The following CHST15 variants were observed in gnomAD, a reference collection of about 807,000 sequenced individuals.
The protein encoded by CHST15 is B cell RAG associated protein (GALNAC4S-6ST).
CHST15 carries 30 observed loss-of-function variants against 53.6 expected under a neutral mutation model. The ratio of observed to expected loss-of-function variants is 0.56; its 90% CI spans 0.42 to 0.76. The LOEUF is 0.76. Ranked by LOEUF, CHST15 falls within the 30% of genes least tolerant of loss-of-function variation. The pLI is 0.00. For synonymous variants in CHST15, 296 were observed against 289.8 expected (o/e 1.02, Z -0.22); for missense variants, 627 against 740.5 (o/e 0.85, Z 1.78).
At chr10:124,011,125 CAG>C (rs1256550576) in intron 7 of CHST15, 1 of 978,416 alleles carries the variant, frequency 1.0e-6, no homozygotes, top group African/African-American at 1.8e-5. Context: ...GGCCCTGAAA[CAG>C]AACAGCAAGG....
rs1267199265 is a variant in CHST15 at position 124,036,629 on chromosome 10, G to A, written c.1190+1886C>T. Among the ~76,000 whole-genome samples the A allele has an allele frequency of 1.3e-5, 2 of 151,818 alleles. No individual in the cohort carries two copies. Among genetic ancestry groups the A allele is most frequent in the South Asian group, 2.1e-4 (1 of 4,814 alleles). ...GGGGCAACAATGCAAAGTGAAAGAA[G>A]CAGGACATAAGACTGTCCTGTCACA... On this transcript the variant is annotated intron_variant, in intron 5 of 7. Coordinates refer to ENST00000435907, the MANE Select transcript of CHST15 (RefSeq NM_001270764.2). This position sits in a 1 kb window ranked among gnomAD's most constrained non-coding sequence, Gnocchi z 5.1.
intron 6 of CHST15, chr10:124,020,303 A>C: frequency 5.1e-6 from 5 of 985,440 alleles, no homozygotes; most frequent in South Asian, 9.4e-5. Context: ...CCAAGCTGGA[A>C]ACCTGACCCA....
intron 1 of CHST15, among the ~76,000 whole-genome samples, chr10:124,081,868 C>T (rs972388224): frequency 6.6e-6 from 1 of 152,172 alleles, no homozygotes; most frequent in African/African-American, 2.4e-5. Flanking sequence ...CTAATGTATC[C>T]TGGAGTCACA....
chr10:124,038,816 G>A, intron 4 of CHST15, 145 bp from the exon 5 acceptor site: 1 of 797,248 alleles, frequency 1.3e-6, no homozygotes, highest in Non-Finnish European at 2.0e-6. Flanking sequence ...GCGGGCATCT[G>A]GGACTCCAAA....
In CHST15 at chr10:124,045,924, T is replaced by C. The variant is rs1947984426; in HGVS notation, c.289A>G (p.Ile97Val). ...IIMTLVMASY[I>V]LSGAHQELLI... ...AGCTCTTGGTGGGCCCCAGAAAGGA[T>C]GTAAGAAGCCATTACCAAGGTCATT... The change falls in exon 2 of 8, where the codon ATC becomes GTC. Residue 97 changes from isoleucine to valine, a missense_variant. Physicochemically the swap from Ile to Val is conservative, Grantham distance 29 (BLOSUM62 3). Around this residue, in one of 3 missense-constraint regions of CHST15, gnomAD observed 187 missense variants for 251.8 expected, o/e 0.74. Coordinates refer to ENST00000435907, the MANE Select transcript of CHST15 (RefSeq NM_001270764.2). 6.2e-7 allele frequency: 1 copy of C among 1,613,836 alleles called. No individual in the cohort carries two copies. The highest frequency in any genetic ancestry group is 1.1e-5 in the South Asian group (1 of 91,052).
At chr10:124,031,437 C>G (rs540181531) in intron 5 of CHST15, among the ~76,000 whole-genome samples, 2 of 152,308 alleles carry the variant, frequency 1.3e-5, no homozygotes, top group African/African-American at 4.8e-5. Context: ...ACCTAGGTGG[C>G]GAGGTACAGC....
At chr10:124,038,243 A>G (rs1363318698) in intron 5 of CHST15, among the ~76,000 whole-genome samples, 6 of 151,818 alleles carry the variant, frequency 4.0e-5, no homozygotes, top group Admixed American at 6.6e-5. Flanking sequence ...AGTAGCTGGG[A>G]CTATAGGAGT....
At position 124,069,458 on chromosome 10, in the gene CHST15, G is replaced by A. The variant is rs115234847; in HGVS notation, c.-512-22734C>T. On this transcript the variant is annotated intron_variant, in intron 1 of 7. Coordinates refer to ENST00000435907, the MANE Select transcript of CHST15 (RefSeq NM_001270764.2). Reference sequence around the variant, plus strand: ...AACATTGCAAGAATCATCGGGGCCAGGCTCGGGGAATTTGGGACGGGGAGT... The same window carrying A: ...AACATTGCAAGAATCATCGGGGCCAAGCTCGGGGAATTTGGGACGGGGAGT... 4.5e-3 allele frequency among the ~76,000 whole-genome samples: 691 copies of A among 152,324 alleles called. 6 individuals carry two copies. The highest frequency in any genetic ancestry group is 0.016 in the African/African-American group (650 of 41,580).
At chr10:124,045,132 A>ACAAAAACAAAAAC (rs1947938856) in intron 2 of CHST15, among the ~76,000 whole-genome samples, 1 of 145,728 alleles carries the variant, frequency 6.9e-6, no homozygotes, top group African/African-American at 2.6e-5. Context: ...AAAAAAAAAA[A>ACAAAAACAAAAAC]AAAAAAAAAA....
rs143478992 is a variant in CHST15 at position 124,072,686 on chromosome 10, A to G, written c.-513+20783T>C. Among the ~76,000 whole-genome samples the G allele has an allele frequency of 7.8e-3, 1,187 of 152,344 alleles. 19 individuals carry two copies. The highest frequency in any genetic ancestry group is 0.027 in the African/African-American group (1,109 of 41,580). On this transcript the variant is annotated intron_variant, in intron 1 of 7. Coordinates refer to ENST00000435907, the MANE Select transcript of CHST15 (RefSeq NM_001270764.2). ...CTGGAGGCTTTGCTTCATTGCATGC[A>G]GACACCCAAAGCATGGAGACTAAAA...
Position 124,021,243 on chromosome 10 carries a change from G to GGC in CHST15, c.1347+12_1347+13insGC, listed in dbSNP as rs1554903186. On this transcript the variant is annotated intron_variant, in intron 6 of 7. Transcript: ENST00000435907. ...GGGCCAGCTCGGGGGGTACGGGGGG[G>GGC]GGGGGTACACACAGGCATGGCGTTG... 2.7e-5 allele frequency: 41 copies of GGC among 1,541,920 alleles called. No individual in the cohort carries two copies. Among genetic ancestry groups the GGC allele is most frequent in the Admixed American group, 2.2e-4 (12 of 55,272 alleles).
Position 124,021,745 on chromosome 10 carries a change from T to C in CHST15, c.1191-333A>G, listed in dbSNP as rs566241967. Among the ~76,000 whole-genome samples, 10 of 152,284 alleles carry C rather than the reference T, an allele frequency of 6.6e-5. No homozygotes were observed. The South Asian group carries it at 1.9e-3, about 28-fold the overall frequency. On this transcript the variant is annotated intron_variant, in intron 5 of 7. Transcript: ENST00000435907. ...TTCAAACAATACCAGATTACAAAAA[T>C]GGTACACTAGCAAAGAGAAGCCATG...
At chr10:124,065,986 T>C (rs895994084) in intron 1 of CHST15, among the ~76,000 whole-genome samples, 30 of 152,198 alleles carry the variant, frequency 2.0e-4, no homozygotes, top group African/African-American at 6.5e-4. Context: ...CTTGGAAACG[T>C]TTCAAAAGCA....
intron 4 of CHST15, among the ~76,000 whole-genome samples, chr10:124,041,830 C>T (rs1331521353): frequency 2.0e-5 from 3 of 152,234 alleles, no homozygotes; most frequent in East Asian, 1.9e-4. Context: ...TAGTTATAGG[C>T]GATGTGTCAG....
chr10:124,045,117 A>AC (rs1947921473), intron 2 of CHST15, among the ~76,000 whole-genome samples, 198 bp from the exon 3 acceptor site: 2 of 109,880 alleles, frequency 1.8e-5, no homozygotes, highest in Non-Finnish European at 3.5e-5. Flanking sequence ...CCCCACAAAA[A>AC]AAAAAAAAAA....
chr10:124,086,653 C>G (rs985442436), intron 1 of CHST15, among the ~76,000 whole-genome samples: 2 of 133,334 alleles, frequency 1.5e-5, no homozygotes, highest in Non-Finnish European at 3.2e-5. Flanking sequence ...TTTCCACCTG[C>G]CTTCCTCCTC....
At chr10:124,091,803 C>T (rs536712378) in intron 1 of CHST15, among the ~76,000 whole-genome samples, 1 of 152,298 alleles carries the variant, frequency 6.6e-6, no homozygotes, top group African/African-American at 2.4e-5. Context: ...CTGGCAGCCT[C>T]CTTCGAAGAC....
chr10:124,068,081 C>CA (rs1426611571), intron 1 of CHST15, among the ~76,000 whole-genome samples: 2 of 152,174 alleles, frequency 1.3e-5, no homozygotes, highest in Admixed American at 6.5e-5. Context: ...ATAACTGAAG[C>CA]AAAAAATGAG....
intron 5 of CHST15, among the ~76,000 whole-genome samples, chr10:124,028,862 C>G (rs911565433): frequency 6.6e-6 from 1 of 152,168 alleles, no homozygotes; most frequent in African/African-American, 2.4e-5. Context: ...GCTGGCTCAC[C>G]CCGGTGACGC....
Sources: allele counts gnomAD v4.1 joint callset (sites outside exome capture counted in the v4.1 genomes callset), GRCh38; gene constraint gnomAD v4.1.1; regional missense constraint gnomAD v4.1.1; non-coding constraint Gnocchi (gnomAD v3.1); transcripts MANE v1.5; gene names NCBI Gene and HGNC (gene_info 2026-07-23, HGNC 2026-07-21).